The following NRG3 variants were observed in gnomAD, a reference collection of about 807,000 sequenced individuals.
NRG3 encodes pro-neuregulin-3, membrane-bound isoform.
NRG3 carries 31 observed loss-of-function variants against 66.9 expected under a neutral mutation model. The ratio of observed to expected loss-of-function variants is 0.46; its 90% CI spans 0.35 to 0.63. NRG3 has a LOEUF of 0.63. Among genes scored for constraint, NRG3 ranks in the 20% least tolerant of loss-of-function variants. The pLI, the probability that NRG3 is intolerant of heterozygous loss-of-function variation, is 0.00. For synonymous variants in NRG3, 393 were observed against 359.4 expected (o/e 1.09, Z -1.06); for missense variants, 910 against 878.9 (o/e 1.04, Z -0.45).
Position 81,876,153 on chromosome 10 carries a change from C to T in NRG3, c.813C>T (p.Ser271=), listed in dbSNP as rs1158457190. 1 of 1,584,930 alleles carries T rather than the reference C, an allele frequency of 6.3e-7. No individual in the cohort carries two copies. Among genetic ancestry groups the T allele is most frequent in the South Asian group, 1.1e-5 (1 of 87,636 alleles). The part of the protein sequence containing the change: ...ATTTTPETST[S]PKFHTTTYST... ...CCACCACACCAGAAACTAGCACCAG[C>T]CCCAAATTTCGTAAGTAAACACTGT... Residue 271 remains serine, a synonymous_variant, in exon 1 of 9, where the codon AGC becomes AGT. Coordinates refer to ENST00000372141, the MANE Select transcript of NRG3 (RefSeq NM_001010848.4).
chr10:82,749,875 C>T (rs1228985743), intron 3 of NRG3, among the ~76,000 whole-genome samples: 3 of 152,014 alleles, frequency 2.0e-5, no homozygotes, highest in Non-Finnish European at 4.4e-5. Context: ...CCCAATTAGC[C>T]CTCAATCAAA....
intron 1 of NRG3, among the ~76,000 whole-genome samples, chr10:82,132,478 TGA>T (rs1491215039): frequency 6.7e-5 from 6 of 89,252 alleles, no homozygotes; most frequent in Admixed American, 1.2e-4. Context: ...GATATATATA[TGA>T]TATATATATA....
At chr10:82,877,420 C>T (rs1841927784) in intron 4 of NRG3, among the ~76,000 whole-genome samples, 2 of 143,806 alleles carry the variant, frequency 1.4e-5, no homozygotes, top group Admixed American at 7.3e-5. Context: ...TCTCTTGTTG[C>T]CCAGGCTGGA....
At chr10:82,102,733 C>CT (rs140046183) in intron 1 of NRG3, among the ~76,000 whole-genome samples, 4,159 of 151,764 alleles carry the variant, frequency 0.027, 197 homozygotes, top group African/African-American at 0.096. Flanking sequence ...AAGTTAATAC[C>CT]TTTTTTTACT....
intron 2 of NRG3, among the ~76,000 whole-genome samples, chr10:82,560,531 T>C (rs2044970144): frequency 6.6e-6 from 1 of 151,106 alleles, no homozygotes; most frequent in Non-Finnish European, 1.5e-5. Flanking sequence ...CTTTATTAAT[T>C]TGATTGCTTC....
intron 1 of NRG3, among the ~76,000 whole-genome samples, chr10:82,297,916 C>T (rs1017295914): frequency 7.9e-5 from 12 of 151,888 alleles, no homozygotes; most frequent in South Asian, 2.1e-4. Flanking sequence ...CCAAGACAGG[C>T]GAATTGCTTG....
At chr10:82,082,745 A>G (rs569314227) in intron 1 of NRG3, among the ~76,000 whole-genome samples, 96 of 152,236 alleles carry the variant, frequency 6.3e-4, no homozygotes, top group African/African-American at 2.2e-3. Flanking sequence ...AAGGAATGAC[A>G]CCTGAATGGA....
At chr10:82,232,152 C>G (rs2076508437) in intron 1 of NRG3, 1 of 152,170 alleles carries the variant, frequency 6.6e-6, no homozygotes, top group Non-Finnish European at 1.5e-5. Context: ...TCTCAAAACC[C>G]CCAAGTCCAG....
intron 2 of NRG3, among the ~76,000 whole-genome samples, chr10:82,464,551 C>G (rs552510424): frequency 6.6e-6 from 1 of 152,136 alleles, no homozygotes; most frequent in South Asian, 2.1e-4. Flanking sequence ...AGTCAAAGTG[C>G]CCGGCCCTGG....
At chr10:81,978,795 A>G (rs1466171148) in intron 1 of NRG3, among the ~76,000 whole-genome samples, 1 of 151,938 alleles carries the variant, frequency 6.6e-6, no homozygotes, top group Non-Finnish European at 1.5e-5. Context: ...GCCTCAAGTG[A>G]TCCTCTTGCC....
At chr10:81,905,851 C>T (rs906531961) in intron 1 of NRG3, among the ~76,000 whole-genome samples, 1 of 152,136 alleles carries the variant, frequency 6.6e-6, no homozygotes, top group Admixed American at 6.6e-5. Context: ...TTGGAATTTG[C>T]CTTCTTAAGA....
At chr10:82,950,086 T>C (rs1218802773) in intron 4 of NRG3, among the ~76,000 whole-genome samples, 1 of 152,130 alleles carries the variant, frequency 6.6e-6, no homozygotes, top group Non-Finnish European at 1.5e-5. Context: ...CTGTACTCAC[T>C]CCAGATCTAC....
intron 1 of NRG3, among the ~76,000 whole-genome samples, chr10:82,302,917 C>G (rs1293420308): frequency 6.6e-6 from 1 of 152,040 alleles, no homozygotes; most frequent in East Asian, 1.9e-4. Flanking sequence ...GCACTGGTGT[C>G]AATGGTTTTT....
At chr10:82,170,662 A>ATATATATATG (rs2072512888) in intron 1 of NRG3, among the ~76,000 whole-genome samples, 2 of 91,680 alleles carry the variant, frequency 2.2e-5, no homozygotes, top group African/African-American at 1.3e-4. Context: ...TGGTATATAT[A>ATATATATATG]TATATATATA....
At chr10:82,811,578 T>C (rs899175255) in intron 3 of NRG3, among the ~76,000 whole-genome samples, 2 of 152,202 alleles carry the variant, frequency 1.3e-5, no homozygotes, top group Admixed American at 6.5e-5. Flanking sequence ...GTAGGAACCA[T>C]TGGGAATACA....
At chr10:82,701,484 A>G (rs911277793) in intron 2 of NRG3, among the ~76,000 whole-genome samples, 3 of 152,148 alleles carry the variant, frequency 2.0e-5, no homozygotes, top group Non-Finnish European at 4.4e-5. Context: ...TTAAGAGGTC[A>G]AGAACATCAA....
At chr10:82,855,338 T>C (rs900716908) in intron 3 of NRG3, among the ~76,000 whole-genome samples, 5 of 152,158 alleles carry the variant, frequency 3.3e-5, no homozygotes, top group African/African-American at 1.2e-4. Flanking sequence ...CATTTCTTTC[T>C]CTTGAGTAGA....
chr10:81,878,403 T>G (rs1428348845), intron 1 of NRG3, among the ~76,000 whole-genome samples: 1 of 152,188 alleles, frequency 6.6e-6, no homozygotes. Flanking sequence ...TAAGGAAAAG[T>G]GGATTATGTA....
intron 3 of NRG3, among the ~76,000 whole-genome samples, chr10:82,825,602 C>T (rs1249494022): frequency 6.6e-6 from 1 of 152,160 alleles, no homozygotes; most frequent in African/African-American, 2.4e-5. Flanking sequence ...CTGGTTTGGA[C>T]TTCTTTTTTC....
Sources: allele counts gnomAD v4.1 joint callset (sites outside exome capture counted in the v4.1 genomes callset), GRCh38; gene constraint gnomAD v4.1.1; transcripts MANE v1.5; gene names NCBI Gene and HGNC (gene_info 2026-07-23, HGNC 2026-07-21).